The following ITGBL1 variants were observed in gnomAD, a reference collection of about 807,000 sequenced individuals.
ITGBL1 encodes integrin beta-like protein 1.
ITGBL1 carries 51 observed loss-of-function variants against 68.5 expected under a neutral mutation model. That is an observed-to-expected ratio of 0.74 (90% CI 0.59 to 0.94). ITGBL1 has a LOEUF of 0.94. ITGBL1 is among the 40% of genes least tolerant of loss of function. ITGBL1 has a pLI of 0.00. For synonymous variants in ITGBL1, 209 were observed against 227.3 expected (o/e 0.92, Z 0.72); for missense variants, 649 against 647.4 (o/e 1.00, Z -0.03).
chr13:101,503,039 T>C (rs186518221), intron 2 of ITGBL1, among the ~76,000 whole-genome samples: 10 of 152,336 alleles, frequency 6.6e-5, no homozygotes, highest in South Asian at 6.2e-4. Context: ...ATTAATCTGA[T>C]AGTGGTTTGT....
chr13:101,639,026 A>G (rs1440406772), intron 7 of ITGBL1, among the ~76,000 whole-genome samples: 1 of 152,196 alleles, frequency 6.6e-6, no homozygotes, highest in Non-Finnish European at 1.5e-5. Flanking sequence ...GAACAGTGTT[A>G]TAGGCAAGTA....
At chr13:101,579,206 T>C in intron 4 of ITGBL1, 81 bp from the exon 5 acceptor site, 2 of 1,487,348 alleles carry the variant, frequency 1.3e-6, no homozygotes, top group Non-Finnish European at 1.8e-6. Context: ...AAGGCAAAAA[T>C]GATCACAAAG....
chr13:101,680,151 G>T (rs901096477), intron 7 of ITGBL1, among the ~76,000 whole-genome samples: 4 of 152,068 alleles, frequency 2.6e-5, no homozygotes, highest in African/African-American at 7.2e-5. Flanking sequence ...TACTGTATTC[G>T]CACAAAAATA....
chr13:101,652,903 G>T (rs9513931), intron 7 of ITGBL1, among the ~76,000 whole-genome samples: 67,145 of 151,610 alleles, frequency 0.44, 14,965 homozygotes, highest in Middle Eastern at 0.49. Context: ...TTTGAGACCA[G>T]CCTGACCAAC....
intron 9 of ITGBL1, chr13:101,711,837 G>C (rs903558836): frequency 2.6e-5 from 4 of 152,210 alleles, no homozygotes; most frequent in African/African-American, 9.6e-5. Context: ...GAAAGAAAAT[G>C]AATGGATTAG....
chr13:101,583,419 A>T, intron 6 of ITGBL1, 63 bp downstream of exon 6: 2 of 1,335,514 alleles, frequency 1.5e-6, no homozygotes, highest in Admixed American at 2.7e-5. Context: ...ATGGGTAAAA[A>T]AAAAAAAAAA....
At chr13:101,620,183 G>A (rs1414942758) in intron 7 of ITGBL1, among the ~76,000 whole-genome samples, 3 of 152,084 alleles carry the variant, frequency 2.0e-5, no homozygotes, top group African/African-American at 2.4e-5. Context: ...AATTTGGGAT[G>A]CATGTCTTTG....
chr13:101,578,455 T>C (rs563290612), intron 4 of ITGBL1, among the ~76,000 whole-genome samples: 3 of 151,512 alleles, frequency 2.0e-5, no homozygotes, highest in African/African-American at 7.3e-5. Flanking sequence ...AAGATGAGAG[T>C]ATAAGAAGTA....
At chr13:101,665,808 A>T (rs928791327) in intron 7 of ITGBL1, among the ~76,000 whole-genome samples, 2 of 152,186 alleles carry the variant, frequency 1.3e-5, no homozygotes, top group Non-Finnish European at 2.9e-5. Context: ...TTGCCTAATA[A>T]CAAGAACTAT....
chr13:101,487,502 ATATT>A (rs1331853710), intron 2 of ITGBL1, among the ~76,000 whole-genome samples: 1 of 152,222 alleles, frequency 6.6e-6, no homozygotes, highest in East Asian at 1.9e-4. Context: ...ATTTGACAAA[ATATT>A]TAATATAAAT....
Position 101,683,394 on chromosome 13 carries a change from G to A in ITGBL1, c.1016-9191G>A, listed in dbSNP as rs181981883. On this transcript the variant is annotated intron_variant, in intron 7 of 10. Transcript: ENST00000376180. ...TATGTTCTTGAGACTCAGGCATTAC[G>A]TTGAATGTATTTGCGATTCTTTCTT... Among the ~76,000 whole-genome samples the A allele has an allele frequency of 8.4e-4, 128 of 152,104 alleles. 1 individual carries two copies. Among genetic ancestry groups the A allele is most frequent in the African/African-American group, 3.0e-3 (124 of 41,540 alleles).
intron 3 of ITGBL1, among the ~76,000 whole-genome samples, chr13:101,574,260 A>AATCCCG (rs2050319233): frequency 8.9e-5 from 1 of 11,274 alleles, no homozygotes; most frequent in Non-Finnish European, 2.7e-4. Context: ...TGCTGTTCTC[A>AATCCCG]TGTGGTGTTT....
At chr13:101,644,237 A>G (rs534044554) in intron 7 of ITGBL1, among the ~76,000 whole-genome samples, 4 of 152,278 alleles carry the variant, frequency 2.6e-5, no homozygotes, top group African/African-American at 9.6e-5. Context: ...TTTGGTCACT[A>G]GATATGTGAG....
At chr13:101,490,064 C>T (rs1413294420) in intron 2 of ITGBL1, 4 of 1,003,124 alleles carry the variant, frequency 4.0e-6, no homozygotes, top group East Asian at 5.2e-5. Context: ...TTGTTTACCC[C>T]CAAAATTCTG....
intron 8 of ITGBL1, among the ~76,000 whole-genome samples, chr13:101,697,299 G>A (rs1478057611): frequency 6.6e-6 from 1 of 152,022 alleles, no homozygotes; most frequent in Non-Finnish European, 1.5e-5. Flanking sequence ...GATCATCCTA[G>A]AATAATATCT....
chr13:101,543,948 A>G (rs1283980260), intron 2 of ITGBL1, among the ~76,000 whole-genome samples: 1 of 152,064 alleles, frequency 6.6e-6, no homozygotes. Context: ...CTAGTTAGCC[A>G]TTCGTCTAAT....
intron 5 of ITGBL1, among the ~76,000 whole-genome samples, chr13:101,580,655 C>A (rs2050441491): frequency 6.6e-6 from 1 of 152,204 alleles, no homozygotes; most frequent in African/African-American, 2.4e-5. Flanking sequence ...GTGTTTTCTG[C>A]ATAAGTCCTT....
chr13:101,592,670 A>C (rs1288676165), intron 6 of ITGBL1, among the ~76,000 whole-genome samples: 1 of 152,136 alleles, frequency 6.6e-6, no homozygotes, highest in Non-Finnish European at 1.5e-5. Flanking sequence ...AAGAACACAC[A>C]TTGGAAAAAA....
chr13:101,551,386 C>A (rs1007234977), intron 2 of ITGBL1, among the ~76,000 whole-genome samples: 7 of 151,980 alleles, frequency 4.6e-5, no homozygotes, highest in African/African-American at 1.7e-4. Flanking sequence ...GAAAATGAAG[C>A]CAAGGTTGAA....
Sources: allele counts gnomAD v4.1 joint callset (sites outside exome capture counted in the v4.1 genomes callset), GRCh38; gene constraint gnomAD v4.1.1; transcripts MANE v1.5; gene names NCBI Gene and HGNC (gene_info 2026-07-23, HGNC 2026-07-21).